CILK1: variants seen among roughly 807,000 people sequenced by gnomAD.
CILK1 encodes serine/threonine-protein kinase ICK.
CILK1 carries 47 observed loss-of-function variants against 79.2 expected under a neutral mutation model. That is an observed-to-expected ratio of 0.59 (90% CI 0.47 to 0.76). The LOEUF (loss-of-function observed/expected upper bound fraction) is 0.76. CILK1 is among the 30% of genes least tolerant of loss of function. The probability of loss-of-function intolerance (pLI) is 0.00; values close to 1 mark genes in which losing one functional copy is unlikely to be tolerated. For missense variants in CILK1, 660 were observed against 769.5 expected (o/e 0.86, Z 1.68); for synonymous variants, 266 against 275.9 (o/e 0.96, Z 0.36).
chr6:53,030,975 AGCTAC>A (rs1765917162), intron 5 of CILK1, 85 bp downstream of exon 5: 1 of 881,266 alleles, frequency 1.1e-6, no homozygotes, highest in African/African-American at 1.7e-5. Flanking sequence ...TCTGGGAGTC[AGCTAC>A]AAAAAATATT....
chr6:53,029,006 G>A (rs1030669600), intron 5 of CILK1, among the ~76,000 whole-genome samples: 2 of 152,074 alleles, frequency 1.3e-5, no homozygotes, highest in Non-Finnish European at 2.9e-5. Flanking sequence ...GGCCTGGACA[G>A]AAGGCTACTT....
rs1187043701 is a variant in CILK1, at chr6:53,003,786, A to G, written c.*1363T>C. The G allele has an allele frequency of 1.3e-5, 2 of 152,610 alleles. No individual in the cohort carries two copies. Among genetic ancestry groups the G allele is most frequent in the African/African-American group, 2.4e-5 (1 of 41,448 alleles). 9.5% of individuals were successfully genotyped at this position (152,610 alleles called of 1,614,324 possible). On this transcript the variant is annotated 3_prime_UTR_variant, in exon 14 of 14. Transcript: ENST00000676107. Reference sequence around the variant, plus strand: ...TCAATTTGTCATTATCCTGGAACCAATAGAGAGTAGTTTGAGCCCTAGGAG... The same window carrying G: ...TCAATTTGTCATTATCCTGGAACCAGTAGAGAGTAGTTTGAGCCCTAGGAG...
At position 53,055,372 on chromosome 6, in the gene CILK1, T is replaced by C. The variant is rs181033603; in HGVS notation, c.-173+6224A>G. Among the ~76,000 whole-genome samples, 137 of 152,344 alleles carry C rather than the reference T, an allele frequency of 9.0e-4. 1 individual carries two copies. In the East Asian group the frequency reaches 0.026, roughly 29 times the overall value. On this transcript the variant is annotated intron_variant, in intron 1 of 13. Transcript: ENST00000676107. ...GTTTATGTTTTTCTCCTGGACCTAA[T>C]TCTTCTGCCTCTGTACATTTTAGCA...
chr6:53,011,666 C>A (rs1764576526), intron 11 of CILK1, 103 bp downstream of exon 11: 1 of 1,087,184 alleles, frequency 9.2e-7, no homozygotes, highest in South Asian at 1.3e-5. Context: ...TGAAGGGAAG[C>A]CCCCTAGTAT....
chr6:53,041,095 G>T, intron 2 of CILK1, 41 bp downstream of exon 2: 2 of 1,309,280 alleles, frequency 1.5e-6, no homozygotes, highest in African/African-American at 1.4e-5. Flanking sequence ...AATGGTGAGG[G>T]TAGAGTTAAA....
At chr6:53,015,051 G>A (rs539762674) in intron 8 of CILK1, among the ~76,000 whole-genome samples, 17 of 152,108 alleles carry the variant, frequency 1.1e-4, no homozygotes, top group Admixed American at 3.3e-4. Context: ...TTTTTTCCTT[G>A]AGCTTTCAGA....
intron 8 of CILK1, among the ~76,000 whole-genome samples, chr6:53,015,780 T>C (rs891304614): frequency 3.9e-5 from 6 of 152,200 alleles, no homozygotes; most frequent in African/African-American, 1.4e-4. Flanking sequence ...TCATAGAGAA[T>C]AGATTTGAAA....
chr6:53,005,339 G>T, intron 13 of CILK1, 36 bp from the exon 14 acceptor site: 1 of 1,611,752 alleles, frequency 6.2e-7, no homozygotes, highest in South Asian at 1.1e-5. Flanking sequence ...TGACTGATAT[G>T]GGGCCAATGT....
intron 7 of CILK1, 140 bp downstream of exon 7, chr6:53,018,190 G>T: frequency 1.2e-6 from 1 of 807,666 alleles, no homozygotes; most frequent in Non-Finnish European, 2.1e-6. Flanking sequence ...GAGAACGTGG[G>T]CAGTGGAGAA....
At chr6:53,020,911 G>T (rs1002699960) in intron 5 of CILK1, among the ~76,000 whole-genome samples, 2 of 152,146 alleles carry the variant, frequency 1.3e-5, no homozygotes, top group African/African-American at 2.4e-5. Flanking sequence ...AACCACTTTT[G>T]TCCTCTCCCA....
chr6:53,002,230 T>A lies in CILK1; in HGVS notation c.*2919A>T, dbSNP rs1392855455. The A allele has an allele frequency of 6.6e-6, 1 of 152,192 alleles. No individual in the cohort carries two copies. The highest frequency in any genetic ancestry group is 1.5e-5 in the Non-Finnish European group (1 of 68,024). 9.4% of individuals were successfully genotyped at this position (152,192 alleles called of 1,614,324 possible). On this transcript the variant is annotated 3_prime_UTR_variant, in exon 14 of 14. Transcript: ENST00000676107. ...GTTTTTATGCAAATGCAGTTTTCCCTACTCTGCTGGCACTACCTGGGGCAC... is the reference window on the plus strand; with the variant it reads ...GTTTTTATGCAAATGCAGTTTTCCCAACTCTGCTGGCACTACCTGGGGCAC...
intron 3 of CILK1, among the ~76,000 whole-genome samples, chr6:53,035,859 TGC>T (rs1381807888): frequency 6.6e-6 from 1 of 151,970 alleles, no homozygotes; most frequent in African/African-American, 2.4e-5. Context: ...TCTTGTAAGG[TGC>T]GCCTCCTTTC....
At chr6:53,052,849 G>A (rs1037946417) in intron 1 of CILK1, among the ~76,000 whole-genome samples, 2 of 151,884 alleles carry the variant, frequency 1.3e-5, no homozygotes, top group Admixed American at 1.3e-4. Flanking sequence ...ACGGTAATAA[G>A]AAGTGGAAGA....
intron 8 of CILK1, 59 bp downstream of exon 8, chr6:53,016,024 A>G: frequency 6.6e-7 from 1 of 1,511,032 alleles, no homozygotes; most frequent in South Asian, 1.1e-5. Flanking sequence ...TTCCTGTGCA[A>G]TTCATAGAAA....
At chr6:53,031,020 A>T in intron 5 of CILK1, 45 bp downstream of exon 5, 1 of 1,309,038 alleles carries the variant, frequency 7.6e-7, no homozygotes, top group South Asian at 1.2e-5. Flanking sequence ...ACTTGATAAC[A>T]ACATTTCACT....
chr6:53,047,784 A>G lies in CILK1; in HGVS notation c.-172-6376T>C, dbSNP rs1387261577. 2.0e-5 allele frequency among the ~76,000 whole-genome samples: 3 copies of G among 152,074 alleles called. No individual in the cohort carries two copies. In the East Asian group the frequency reaches 5.8e-4, roughly 29 times the overall value. On this transcript the variant is annotated intron_variant, in intron 1 of 13. Coordinates refer to ENST00000676107, the MANE Select transcript of CILK1 (RefSeq NM_014920.5). ...CAGGTGAAATATGATGAAAGCCCAA[A>G]CAAAGGCACTGGACTGGGTGAGTCT...
intron 1 of CILK1, among the ~76,000 whole-genome samples, chr6:53,049,273 A>C (rs1767316129): frequency 6.6e-6 from 1 of 152,218 alleles, no homozygotes; most frequent in Non-Finnish European, 1.5e-5. Flanking sequence ...TTTGTATTTT[A>C]GGTGACAAAA....
rs762008588 is a variant in CILK1 at position 53,018,305 on chromosome 6, A to G, written c.663+25T>C. The G allele has an allele frequency of 6.2e-6, 10 of 1,612,394 alleles. No homozygotes were observed. The African/African-American group carries it at 1.3e-4, about 22-fold the overall frequency. Reference sequence around the variant, plus strand: ...CATGGGAAGCTGTTGGCTTTGGCCCACTGGCCTTTGTTTTGTATCATTACC... The same window carrying G: ...CATGGGAAGCTGTTGGCTTTGGCCCGCTGGCCTTTGTTTTGTATCATTACC... On this transcript the variant is annotated intron_variant, in intron 7 of 13. Transcript: ENST00000676107.
intron 3 of CILK1, among the ~76,000 whole-genome samples, chr6:53,036,984 A>G (rs2127446527): frequency 6.6e-6 from 1 of 152,334 alleles, no homozygotes; most frequent in South Asian, 2.1e-4. Context: ...TTTTAGTCCT[A>G]GAAGCATAAA....
Sources: gnomAD v4.1 joint callset for allele counts (sites outside exome capture counted in the v4.1 genomes callset) on GRCh38, gnomAD v4.1.1 for gene constraint, MANE v1.5 for transcripts, NCBI Gene and HGNC (gene_info 2026-07-23, HGNC 2026-07-21) for gene names.